PTPRD: variants seen among roughly 807,000 people sequenced by gnomAD.
PTPRD encodes the protein receptor-type tyrosine-protein phosphatase delta.
In PTPRD, 34 loss-of-function variants were observed where a neutral mutation model predicts 214.5. The ratio of observed to expected loss-of-function variants is 0.16; its 90% CI spans 0.12 to 0.21. The LOEUF (loss-of-function observed/expected upper bound fraction) is 0.21, where lower values mean the gene tolerates loss of function less well. PTPRD is among the 10% of genes least tolerant of loss of function. The pLI, the probability that PTPRD is intolerant of heterozygous loss-of-function variation, is 1.00. For synonymous variants in PTPRD, 1,128 were observed against 845.7 expected (o/e 1.33, Z -5.79); for missense variants, 2,545 against 2,398.7 (o/e 1.06, Z -1.27).
chr9:10,015,797 T>A (rs924080088), intron 4 of PTPRD, among the ~76,000 whole-genome samples: 1 of 152,204 alleles, frequency 6.6e-6, no homozygotes, highest in Non-Finnish European at 1.5e-5. Context: ...TTATTTCTCC[T>A]CTGGTAGGAT....
At chr9:10,295,934 A>G (rs895898479) in intron 3 of PTPRD, among the ~76,000 whole-genome samples, 5 of 152,010 alleles carry the variant, frequency 3.3e-5, no homozygotes, top group Admixed American at 1.3e-4. Flanking sequence ...TCTCAGACTA[A>G]CTGTCCACAT....
chr9:8,474,513 G>C (rs1009166513), intron 30 of PTPRD, among the ~76,000 whole-genome samples: 8 of 152,160 alleles, frequency 5.3e-5, no homozygotes, highest in Non-Finnish European at 1.0e-4. Context: ...AACACAGCTT[G>C]AGAAATAAAG....
intron 9 of PTPRD, among the ~76,000 whole-genome samples, chr9:9,267,009 G>T (rs1940143678): frequency 6.6e-6 from 1 of 151,180 alleles, no homozygotes; most frequent in African/African-American, 2.4e-5. Flanking sequence ...AAAACTAAGA[G>T]TTCATTTTCT....
intron 33 of PTPRD, among the ~76,000 whole-genome samples, chr9:8,450,955 A>G (rs911355335): frequency 3.2e-4 from 49 of 152,120 alleles, no homozygotes; most frequent in Non-Finnish European, 4.4e-5. Flanking sequence ...AAGGTGCTGC[A>G]CAGTGTTTAG....
At chr9:10,048,644 G>A (rs2097454566) in intron 3 of PTPRD, among the ~76,000 whole-genome samples, 1 of 151,934 alleles carries the variant, frequency 6.6e-6, no homozygotes, top group African/African-American at 2.4e-5. Flanking sequence ...CTTCGAGGAG[G>A]TAGGATTTAT....
chr9:9,401,002 G>T (rs1215520404), intron 8 of PTPRD, among the ~76,000 whole-genome samples: 1 of 151,890 alleles, frequency 6.6e-6, no homozygotes, highest in Non-Finnish European at 1.5e-5. Flanking sequence ...CCAATATTGT[G>T]ATCATATGAT....
At chr9:10,416,505 T>C (rs1374648320) in intron 2 of PTPRD, among the ~76,000 whole-genome samples, 6 of 151,694 alleles carry the variant, frequency 4.0e-5, no homozygotes, top group South Asian at 2.1e-4. Context: ...GAAGAAAAAG[T>C]AGAGATTTCA....
intron 8 of PTPRD, among the ~76,000 whole-genome samples, chr9:9,449,151 T>A (rs534628217): frequency 8.5e-5 from 13 of 152,190 alleles, no homozygotes; most frequent in African/African-American, 3.1e-4. Flanking sequence ...CAGTGAATTC[T>A]TTCTTCACGA....
chr9:10,151,893 A>C (rs1592518673), intron 3 of PTPRD, among the ~76,000 whole-genome samples: 1 of 152,188 alleles, frequency 6.6e-6, no homozygotes, highest in East Asian at 1.9e-4. Flanking sequence ...TGTATCAATA[A>C]TTTGTACTAT....
chr9:10,011,102 C>G (rs1304408244), intron 4 of PTPRD, among the ~76,000 whole-genome samples: 1 of 151,876 alleles, frequency 6.6e-6, no homozygotes, highest in African/African-American at 2.4e-5. Context: ...TCCACAATCC[C>G]TTCACCACAC....
intron 10 of PTPRD, among the ~76,000 whole-genome samples, chr9:9,171,684 A>G (rs1473992421): frequency 2.6e-5 from 4 of 151,992 alleles, no homozygotes; most frequent in Non-Finnish European, 1.5e-5. Context: ...ATTGATGAGG[A>G]AAAAACTACT....
intron 10 of PTPRD, among the ~76,000 whole-genome samples, chr9:9,139,296 G>C (rs2099856236): frequency 6.6e-6 from 1 of 152,098 alleles, no homozygotes; most frequent in Non-Finnish European, 1.5e-5. Context: ...ACATCGTTTA[G>C]TTCAAAATTG....
intron 9 of PTPRD, among the ~76,000 whole-genome samples, chr9:9,293,022 C>G (rs1391325867): frequency 6.6e-6 from 1 of 151,454 alleles, no homozygotes; most frequent in Non-Finnish European, 1.5e-5. Context: ...AAAAAATATT[C>G]CCCGCCTTTC....
At chr9:9,048,489 C>A (rs567949589) in intron 10 of PTPRD, among the ~76,000 whole-genome samples, 8 of 152,210 alleles carry the variant, frequency 5.3e-5, no homozygotes, top group African/African-American at 1.9e-4. Flanking sequence ...CAAATGAGAT[C>A]TTGTGATTTG....
At chr9:9,377,704 A>C (rs1016980798) in intron 9 of PTPRD, among the ~76,000 whole-genome samples, 25 of 152,082 alleles carry the variant, frequency 1.6e-4, no homozygotes, top group African/African-American at 5.6e-4. Context: ...ACAGTGGCCC[A>C]GTTAAGCGGA....
At chr9:8,470,102 A>G (rs1158399318) in intron 31 of PTPRD, among the ~76,000 whole-genome samples, 1 of 152,116 alleles carries the variant, frequency 6.6e-6, no homozygotes, top group Non-Finnish European at 1.5e-5. Flanking sequence ...AAAATCTCAT[A>G]TTTGCCAAAT....
At chr9:10,036,687 T>C (rs2097189154) in intron 3 of PTPRD, among the ~76,000 whole-genome samples, 1 of 151,910 alleles carries the variant, frequency 6.6e-6, no homozygotes, top group African/African-American at 2.4e-5. Flanking sequence ...TGGGTTCAAG[T>C]GATTCTCCTA....
chr9:9,039,212 G>C (rs1318851196), intron 10 of PTPRD, among the ~76,000 whole-genome samples: 1 of 152,160 alleles, frequency 6.6e-6, no homozygotes, highest in Admixed American at 6.6e-5. Flanking sequence ...GAAGTTATTT[G>C]TATTTATGAA....
At position 10,285,904 on chromosome 9, in the gene PTPRD, G is replaced by A. The variant is rs373383229; in HGVS notation, c.-545+55059C>T. Among the ~76,000 whole-genome samples, 121 of 152,068 alleles carry A rather than the reference G, an allele frequency of 8.0e-4. 2 individuals carry two copies. The South Asian group carries it at 0.022, about 27-fold the overall frequency. On this transcript the variant is annotated intron_variant, in intron 3 of 45. Transcript: ENST00000381196. ...GATACAGGCGTGAGCTACTGTGCCC[G>A]GCCGGGGTCTCATTTTTCTTAGCAA...
Sources: gnomAD v4.1 joint callset for allele counts (sites outside exome capture counted in the v4.1 genomes callset) on GRCh38, gnomAD v4.1.1 for gene constraint, MANE v1.5 for transcripts, NCBI Gene and HGNC (gene_info 2026-07-23, HGNC 2026-07-21) for gene names.